SACS: variants seen among roughly 807,000 people sequenced by gnomAD.
SACS encodes the protein sacsin molecular chaperone, also known as sacsin.
A neutral mutation model predicts 348.0 loss-of-function variants in SACS; 197 were observed. The ratio of observed to expected loss-of-function variants is 0.57; its 90% CI spans 0.50 to 0.64. The LOEUF (loss-of-function observed/expected upper bound fraction) is 0.64. Ranked by LOEUF, SACS falls within the 30% of genes least tolerant of loss-of-function variation. The pLI is 0.00. For missense variants in SACS, 4,999 were observed against 5,360.8 expected (o/e 0.93, Z 2.11); for synonymous variants, 1,985 against 1,910.6 (o/e 1.04, Z -1.02).
At chr13:23,357,994 C>T (rs10507329) in intron 7 of SACS, among the ~76,000 whole-genome samples, 9,497 of 152,220 alleles carry the variant, frequency 0.062, 417 homozygotes, top group Non-Finnish European at 0.096. Flanking sequence ...GTTTGTTTGA[C>T]TTGAAGAGTT....
intron 1 of SACS, among the ~76,000 whole-genome samples, chr13:23,412,781 A>T (rs1873546602): frequency 6.6e-6 from 1 of 152,214 alleles, no homozygotes; most frequent in Admixed American, 6.5e-5. Context: ...ACCTTAGAAA[A>T]GGAAGGGTAA....
At chr13:23,399,547 T>C (rs1373322660) in intron 2 of SACS, among the ~76,000 whole-genome samples, 1 of 152,094 alleles carries the variant, frequency 6.6e-6, no homozygotes, top group Non-Finnish European at 1.5e-5. Flanking sequence ...TTTTAAACAG[T>C]AGCCAATTGG....
rs770163213 is a variant in SACS, at chr13:23,331,273, G to A, written c.12603C>T (p.Tyr4201=). The change falls in exon 10 of 10, where the codon TAC becomes TAT. Residue 4201 remains tyrosine, a synonymous_variant. Coordinates refer to ENST00000382292, the MANE Select transcript of SACS (RefSeq NM_014363.6). Reference sequence around the variant, plus strand: ...CTTCTTGTACAATAATTGCATATGTGTATGTTGGCTGGTATGATCCATAGA... The same window carrying A: ...CTTCTTGTACAATAATTGCATATGTATATGTTGGCTGGTATGATCCATAGA... ...GDIYGSYQPT[Y]TYAIIVQEVE... 5.0e-6 allele frequency: 8 copies of A among 1,613,856 alleles called. No individual in the cohort carries two copies. The African/African-American group carries it at 6.7e-5, about 13-fold the overall frequency.
chr13:23,334,569 T>C lies in SACS; in HGVS notation c.9307A>G (p.Met3103Val), dbSNP rs1214641195. The C allele has an allele frequency of 1.2e-6, 2 of 1,613,524 alleles. No individual in the cohort carries two copies. Among genetic ancestry groups the C allele is most frequent in the South Asian group, 2.2e-5 (2 of 91,072 alleles). ...TTAGTGTCAGGAGAGGAAAATGTCA[T>C]TAAAAAAGATCTGATATCAGCAGGG... ...VTPADIRSFL[M>V]TFSSPDTNCH... Residue 3103 changes from methionine (M) to valine (V), a missense_variant, in exon 10 of 10, where the codon ATG becomes GTG. This residue lies in a region of SACS where 734 missense variants were observed against 694.0 expected (regional missense o/e 1.06). Transcript: ENST00000382292.
chr13:23,331,425 G>A lies in SACS; in HGVS notation c.12451C>T (p.Leu4151=), dbSNP rs780701057. The A allele has an allele frequency of 5.1e-5, 83 of 1,613,886 alleles. 2 individuals are homozygous for A. In the South Asian group the frequency reaches 8.5e-4, roughly 16 times the overall value. The change falls in exon 10 of 10, where the codon CTG becomes TTG. Residue 4151 remains leucine (L), a synonymous_variant. Coordinates refer to ENST00000382292, the MANE Select transcript of SACS (RefSeq NM_014363.6). The stretch of plus-strand genomic sequence containing the variant: ...GGTGTGCCAGGCATTGGAAGTTCCA[G>A]TTTTGATGGCTCCGAAGAGTCATAT... ...VKYDSSEPSK[L]ELPMPGTPIP...
chr13:23,396,292 C>A (rs1872709130), intron 2 of SACS, among the ~76,000 whole-genome samples: 1 of 149,976 alleles, frequency 6.7e-6, no homozygotes, highest in Non-Finnish European at 1.5e-5. Context: ...CCACTGCATT[C>A]CAGCCTGGGC....
intron 4 of SACS, among the ~76,000 whole-genome samples, chr13:23,369,852 C>G (rs948412129): frequency 4.6e-5 from 7 of 150,594 alleles, no homozygotes; most frequent in Admixed American, 4.0e-4. Context: ...GCCTATCCCA[C>G]TCACACTTCT....
intron 2 of SACS, among the ~76,000 whole-genome samples, chr13:23,392,274 A>C (rs749718757): frequency 6.6e-6 from 1 of 152,186 alleles, no homozygotes; most frequent in Non-Finnish European, 1.5e-5. Context: ...CCCAAAACAG[A>C]CTATGGCATA....
At chr13:23,394,976 A>G (rs1025999538) in intron 2 of SACS, among the ~76,000 whole-genome samples, 4 of 152,194 alleles carry the variant, frequency 2.6e-5, no homozygotes, top group African/African-American at 7.2e-5. Context: ...CTGATTTATT[A>G]GGGATCCGTT....
chr13:23,402,089 A>AATG (rs958719350), intron 2 of SACS, among the ~76,000 whole-genome samples: 9 of 152,142 alleles, frequency 5.9e-5, no homozygotes, highest in African/African-American at 2.2e-4. Flanking sequence ...GAGGCAGGAG[A>AATG]ATGGCATGAA....
rs560365956 is a variant in SACS, at chr13:23,387,705, A to G, written c.21-12436T>C. Reference sequence around the variant, plus strand: ...GAGTTCAGGTGATGCAGCTTCTGTGATATCAGGAGTTTACCCAATGGACAG... The same window carrying G: ...GAGTTCAGGTGATGCAGCTTCTGTGGTATCAGGAGTTTACCCAATGGACAG... On this transcript the variant is annotated intron_variant, in intron 2 of 9. Transcript: ENST00000382292. Among the ~76,000 whole-genome samples the G allele has an allele frequency of 5.3e-5, 8 of 152,214 alleles. No individual in the cohort carries two copies. The East Asian group carries it at 7.7e-4, about 15-fold the overall frequency.
rs780642116 is a variant in SACS, at chr13:23,333,865, G to C, written c.10011C>G (p.Ile3337Met). The C allele has an allele frequency of 6.2e-7, 1 of 1,613,824 alleles. No individual in the cohort carries two copies. The highest frequency in any genetic ancestry group is 8.5e-7 in the Non-Finnish European group (1 of 1,179,828). Residue 3337 changes from isoleucine (I) to methionine (M), a missense_variant, in exon 10 of 10, where the codon ATC (isoleucine) becomes ATG (methionine). Around this residue, in one of 6 missense-constraint regions of SACS, gnomAD observed 734 missense variants for 694.0 expected, o/e 1.06. Transcript: ENST00000382292. ...GAACAAATGCACTGTCTTTGGAACA[G>C]ATTTTGTTCAAAGCAAGCTGAATAC... ...AGCIQLALNK[I>M]CSKDSAFVPL...
Position 23,354,517 on chromosome 13 carries a change from A to G in SACS, c.2093+2T>C, listed in dbSNP as rs1870194280. On this transcript the variant is annotated splice_donor_variant, in intron 8 of 9. Transcript: ENST00000382292. LOFTEE classifies it high-confidence loss of function. Reference sequence around the variant, plus strand: ...CAGGAATGTTAGAAGGGGGACCCCTACCTTGGATATTCTGCTGAGGTAATA... The same window carrying G: ...CAGGAATGTTAGAAGGGGGACCCCTGCCTTGGATATTCTGCTGAGGTAATA... The G allele has an allele frequency of 6.2e-7, 1 of 1,613,722 alleles. No individual in the cohort carries two copies. Among genetic ancestry groups the G allele is most frequent in the Non-Finnish European group, 8.5e-7 (1 of 1,179,750 alleles).
intron 2 of SACS, among the ~76,000 whole-genome samples, chr13:23,391,510 G>A (rs894201559): frequency 1.3e-5 from 2 of 152,112 alleles, no homozygotes; most frequent in Non-Finnish European, 2.9e-5. Flanking sequence ...CCAGGGCCTG[G>A]TTATGTCCTT....
At chr13:23,391,626 G>A (rs537188332) in intron 2 of SACS, among the ~76,000 whole-genome samples, 1 of 152,286 alleles carries the variant, frequency 6.6e-6, no homozygotes, top group South Asian at 2.1e-4. Flanking sequence ...GGTCTAGAGG[G>A]TCATGATGCC....
chr13:23,406,737 C>T (rs1013873234), intron 2 of SACS, among the ~76,000 whole-genome samples: 2 of 151,994 alleles, frequency 1.3e-5, no homozygotes, highest in African/African-American at 4.8e-5. Flanking sequence ...CAAAAAAACC[C>T]CTCACGTCAT....
At chr13:23,389,266 TG>T (rs1421029088) in intron 2 of SACS, among the ~76,000 whole-genome samples, 2 of 152,178 alleles carry the variant, frequency 1.3e-5, no homozygotes, top group African/African-American at 4.8e-5. Context: ...ATAGTTACTG[TG>T]CTCCTGAAAT....
chr13:23,406,784 C>T (rs1205632399), intron 2 of SACS, among the ~76,000 whole-genome samples: 1 of 152,128 alleles, frequency 6.6e-6, no homozygotes, highest in Non-Finnish European at 1.5e-5. Context: ...AATAATCAGG[C>T]CAAATCTAAT....
intron 9 of SACS, among the ~76,000 whole-genome samples, chr13:23,348,135 T>A (rs1170609847): frequency 6.6e-6 from 1 of 152,140 alleles, no homozygotes; most frequent in Non-Finnish European, 1.5e-5. Flanking sequence ...CTGATATCCA[T>A]CCATTTACTT....
Sources: allele counts gnomAD v4.1 joint callset (sites outside exome capture counted in the v4.1 genomes callset), GRCh38; gene constraint gnomAD v4.1.1; regional missense constraint gnomAD v4.1.1; transcripts MANE v1.5; gene names NCBI Gene and HGNC (gene_info 2026-07-23, HGNC 2026-07-21).